The following GPR155 variants were observed in gnomAD, a reference collection of about 807,000 sequenced individuals.
GPR155 encodes lysosomal cholesterol signaling protein.
GPR155 carries 65 observed loss-of-function variants against 93.1 expected under a neutral mutation model. The ratio of observed to expected loss-of-function variants is 0.70; its 90% CI spans 0.57 to 0.86. The LOEUF is 0.86. Ranked by LOEUF, GPR155 falls within the 40% of genes least tolerant of loss-of-function variation. The pLI is 0.00. For synonymous variants in GPR155, 319 were observed against 360.1 expected, an observed-to-expected ratio of 0.89 and a Z score of 1.29; for missense variants, 838 against 1,034.8, an observed-to-expected ratio of 0.81 and a Z score of 2.61.
At chr2:174,447,410 ATTAG>A (rs1003265190) in intron 11 of GPR155, among the ~76,000 whole-genome samples, 4 of 146,430 alleles carry the variant, frequency 2.7e-5, no homozygotes, top group Non-Finnish European at 4.5e-5. Flanking sequence ...TATTTTATAT[ATTAG>A]TTATATAAAT....
chr2:174,461,366 T>G (rs1187363920), intron 9 of GPR155, 36 bp downstream of exon 9: 3 of 1,295,328 alleles, frequency 2.3e-6, no homozygotes, highest in African/African-American at 2.9e-5. Flanking sequence ...AAAAGAGACA[T>G]TCTCAAGAAC....
At chr2:174,472,549 A>G (rs1688026528) in intron 3 of GPR155, among the ~76,000 whole-genome samples, 1 of 152,196 alleles carries the variant, frequency 6.6e-6, no homozygotes, top group Non-Finnish European at 1.5e-5. Context: ...ACTACAAAAT[A>G]CTTTTCCCAA....
rs4547506 is a variant in GPR155, at chr2:174,470,596, C to T, written c.861-41G>A. On this transcript the variant is annotated intron_variant, in intron 3 of 15. Transcript: ENST00000392552. Reference sequence around the variant, plus strand: ...AAACATCATTTACCTGATATCAAAGCATGGTTGTCCCCAGTAGCAGGCTGC... The same window carrying T: ...AAACATCATTTACCTGATATCAAAGTATGGTTGTCCCCAGTAGCAGGCTGC... The T allele has an allele frequency of 7.1e-3, 11,196 of 1,580,504 alleles. 282 individuals are homozygous for T. The highest frequency in any genetic ancestry group is 0.07 in the African/African-American group (5,210 of 74,318).
At chr2:174,481,361 A>G in intron 2 of GPR155, 136 bp downstream of exon 2, 2 of 583,156 alleles carry the variant, frequency 3.4e-6, no homozygotes, top group South Asian at 5.0e-5. Flanking sequence ...AGGAAAAACT[A>G]TGATTCATCC....
At chr2:174,472,423 A>G (rs925397427) in intron 3 of GPR155, among the ~76,000 whole-genome samples, 4 of 152,018 alleles carry the variant, frequency 2.6e-5, no homozygotes, top group African/African-American at 9.7e-5. Context: ...AACAAAAACA[A>G]CAACAACAAA....
intron 2 of GPR155, among the ~76,000 whole-genome samples, chr2:174,478,884 A>T (rs188750601): frequency 6.6e-6 from 1 of 152,102 alleles, no homozygotes. Context: ...CAGAAGGCAG[A>T]TGGGCACAGC....
Position 174,453,744 on chromosome 2 carries a change from A to T in GPR155, c.1869T>A (p.Phe623Leu), listed in dbSNP as rs1189309613. The change falls in exon 11 of 16, where the codon TTT (phenylalanine) becomes TTA (leucine). Residue 623 changes from phenylalanine (F) to leucine (L), a missense_variant. By Grantham distance (22) the Phe-to-Leu change is conservative. Around this residue, in one of 3 missense-constraint regions of GPR155, gnomAD observed 663 missense variants for 790.1 expected, o/e 0.84. Coordinates refer to ENST00000392552, the MANE Select transcript of GPR155 (RefSeq NM_152529.7). ...TAGTCCAGAGGCACTTACTTTTCTCAAACGAAGGAATCACAGGCTCACTGG... is the reference window on the plus strand; with the variant it reads ...TAGTCCAGAGGCACTTACTTTTCTCTAACGAAGGAATCACAGGCTCACTGG... ...TSTSEPVIPSFEKNNHCVSRC... is the reference protein window; with the variant it reads ...TSTSEPVIPSLEKNNHCVSRC... 6.3e-7 allele frequency: 1 copy of T among 1,598,604 alleles called. No individual in the cohort carries two copies. The highest frequency in any genetic ancestry group is 1.7e-5 in the Admixed American group (1 of 59,954).
rs181905855 is a variant in GPR155 at position 174,435,870 on chromosome 2, T to C, written c.*246A>G. On this transcript the variant is annotated 3_prime_UTR_variant, in exon 16 of 16. Coordinates refer to ENST00000392552, the MANE Select transcript of GPR155 (RefSeq NM_152529.7). ...CTTGGATACTAAAGGATGACTATATTATATTCATTATCAGAACTTTAATTT... is the reference window on the plus strand; with the variant it reads ...CTTGGATACTAAAGGATGACTATATCATATTCATTATCAGAACTTTAATTT... The C allele has an allele frequency of 8.4e-6, 4 of 473,912 alleles. No homozygotes were observed. Among genetic ancestry groups the C allele is most frequent in the African/African-American group, 5.8e-5 (3 of 51,698 alleles). The allele number at this position is 473,912 out of a possible 1,614,324, so 29.4% of individuals were successfully genotyped here.
intron 11 of GPR155, 58 bp from the exon 12 acceptor site, chr2:174,446,805 A>ATCTTAACCACTGCAC: frequency 6.7e-7 from 1 of 1,501,756 alleles, no homozygotes. Flanking sequence ...AATGCATTTT[A>ATCTTAACCACTGCAC]AATTTGTAAT....
chr2:174,470,915 G>GA (rs904402864), intron 3 of GPR155, among the ~76,000 whole-genome samples: 2 of 149,524 alleles, frequency 1.3e-5, no homozygotes, highest in Non-Finnish European at 3.0e-5. Context: ...TTCAAAGAAA[G>GA]AAAGAAGGTT....
intron 10 of GPR155, among the ~76,000 whole-genome samples, chr2:174,454,917 C>T (rs1235752891): frequency 2.0e-5 from 3 of 151,360 alleles, no homozygotes; most frequent in Non-Finnish European, 2.9e-5. Context: ...TAGTGGGTAC[C>T]GGATACTTGG....
intron 11 of GPR155, among the ~76,000 whole-genome samples, chr2:174,453,335 T>C (rs1052389420): frequency 1.3e-5 from 2 of 152,180 alleles, no homozygotes; most frequent in African/African-American, 4.8e-5. Context: ...TCTATAGATA[T>C]TCTATGTAGA....
Position 174,473,324 on chromosome 2 carries a change from C to T in GPR155, c.501G>A (p.Gln167=). 6.2e-7 allele frequency: 1 copy of T among 1,601,234 alleles called. No homozygotes were observed. Among genetic ancestry groups the T allele is most frequent in the Non-Finnish European group, 8.5e-7 (1 of 1,173,040 alleles). ...ATATTGGTGCCACCAAATAAATGTA[C>T]TGGAGATATTCTGGGTATGTAGTTT... ...LYQTTYPEYL[Q]YIYLVAPISL... The change falls in exon 3 of 16, where the codon CAG becomes CAA. Residue 167 remains glutamine, a synonymous_variant. Transcript: ENST00000392552.
At position 174,473,144 on chromosome 2, in the gene GPR155, G is replaced by T; in HGVS notation, c.681C>A (p.Ile227=). 6.2e-7 allele frequency: 1 copy of T among 1,611,052 alleles called. No individual in the cohort carries two copies. The change falls in exon 3 of 16, where the codon ATC becomes ATA. Residue 227 remains isoleucine (I), a synonymous_variant. Transcript: ENST00000392552. ...NPIVFMVFIG[I]AFNFILDRKV... is the part of the protein sequence containing the mutation. ...TTCGATCAAGAATAAAATTGAAGGCGATGCCAATGAAGACCATAAATACTA... is the reference window on the plus strand; with the variant it reads ...TTCGATCAAGAATAAAATTGAAGGCTATGCCAATGAAGACCATAAATACTA...
chr2:174,465,102 T>C (rs2105715000), intron 7 of GPR155, among the ~76,000 whole-genome samples: 1 of 152,354 alleles, frequency 6.6e-6, no homozygotes, highest in African/African-American at 2.4e-5. Flanking sequence ...AATAGCAATG[T>C]GCTACAACAT....
chr2:174,453,936 C>G (rs1687409942), intron 10 of GPR155, 95 bp from the exon 11 acceptor site: 1 of 793,438 alleles, frequency 1.3e-6, no homozygotes, highest in South Asian at 1.4e-5. Flanking sequence ...AAAATCCACT[C>G]ACACACACTT....
At chr2:174,468,531 G>C (rs549021434) in intron 5 of GPR155, among the ~76,000 whole-genome samples, 29 of 152,224 alleles carry the variant, frequency 1.9e-4, no homozygotes, top group African/African-American at 6.7e-4. Flanking sequence ...ATCATTTGCA[G>C]AATGCTTTTC....
rs1432412626 is a variant in GPR155, at chr2:174,483,488, T to A, written c.-31-1501A>T. Among the ~76,000 whole-genome samples, 5 of 152,326 alleles carry A rather than the reference T, an allele frequency of 3.3e-5. No homozygotes were observed. The East Asian group carries it at 9.6e-4, about 29-fold the overall frequency. ...GTACAATAATTATCAGACCCCCTCT[T>A]GCTGCCAGGAACACAATGAACATGA... is the stretch of plus-strand genomic sequence containing the variant. On this transcript the variant is annotated intron_variant, in intron 1 of 15. Transcript: ENST00000392552.
chr2:174,467,365 C>T (rs760030875), intron 5 of GPR155, among the ~76,000 whole-genome samples: 11 of 152,082 alleles, frequency 7.2e-5, no homozygotes, highest in Non-Finnish European at 1.2e-4. Flanking sequence ...CCTGTAATCC[C>T]AGCTACTTGG....
Sources: allele counts gnomAD v4.1 joint callset (sites outside exome capture counted in the v4.1 genomes callset), GRCh38; gene constraint gnomAD v4.1.1; regional missense constraint gnomAD v4.1.1; transcripts MANE v1.5; gene names NCBI Gene and HGNC (gene_info 2026-07-23, HGNC 2026-07-21).